CLYBL: variants seen among roughly 807,000 people sequenced by gnomAD.
CLYBL encodes the protein citramalyl-CoA lyase, also known as citramalyl-CoA lyase, mitochondrial.
A neutral mutation model predicts 38.9 loss-of-function variants in CLYBL; 31 were observed. The observed-to-expected ratio is 0.80, with a 90% CI of 0.60 to 1.08. The LOEUF (loss-of-function observed/expected upper bound fraction) is 1.08. Among genes scored for constraint, CLYBL ranks in the 50% least tolerant of loss-of-function variants. The pLI, the probability that CLYBL is intolerant of heterozygous loss-of-function variation, is 0.00. For missense variants in CLYBL, 434 were observed against 411.6 expected (o/e 1.05, Z -0.47); for synonymous variants, 171 against 158.6 (o/e 1.08, Z -0.59).
intron 2 of CLYBL, among the ~76,000 whole-genome samples, chr13:99,823,858 G>T (rs147222026): frequency 6.6e-6 from 1 of 152,262 alleles, no homozygotes; most frequent in African/African-American, 2.4e-5. Context: ...CATCTGAGCC[G>T]ACTGCCCAGT....
intron 1 of CLYBL, among the ~76,000 whole-genome samples, chr13:99,687,312 A>C (rs2139417820): frequency 6.6e-6 from 1 of 152,298 alleles, no homozygotes; most frequent in African/African-American, 2.4e-5. Context: ...CATACCTTTT[A>C]CAATCAGCTC....
At chr13:99,628,590 G>A (rs112697973) in intron 1 of CLYBL, among the ~76,000 whole-genome samples, 43 of 152,324 alleles carry the variant, frequency 2.8e-4, no homozygotes, top group African/African-American at 9.4e-4. Context: ...TGGGAATTCA[G>A]GACTAGCTGC....
chr13:99,716,169 ATTTTTTTTTTTTTTTT>A (rs4001024), intron 1 of CLYBL, among the ~76,000 whole-genome samples: 2,991 of 33,460 alleles, frequency 0.089, 104 homozygotes, highest in Middle Eastern at 0.12. Flanking sequence ...TATTGGTGTA[ATTTTTTTTTTTTTTTT>A]TTTTTTTTTT....
chr13:99,892,506 T>C lies in CLYBL; in HGVS notation c.*88T>C, dbSNP rs1469902892. 1.3e-5 allele frequency: 2 copies of C among 152,668 alleles called. No homozygotes were observed. Among genetic ancestry groups the C allele is most frequent in the Non-Finnish European group, 2.9e-5 (2 of 68,044 alleles). 9.5% of individuals were successfully genotyped at this position (152,668 alleles called of 1,614,324 possible). A position where few individuals can be genotyped will look rare whatever the true frequency, so the allele number is the denominator to read the frequency against. On this transcript the variant is annotated 3_prime_UTR_variant, in exon 9 of 9. Transcript: ENST00000339105. ...CTTGCCAGAGGACGCCAATGAAGTT[T>C]GAAACACCAACAATCAGAGATTTTG...
intron 2 of CLYBL, among the ~76,000 whole-genome samples, chr13:99,839,710 GTATA>G (rs911056617): frequency 3.3e-5 from 5 of 151,782 alleles, no homozygotes; most frequent in African/African-American, 1.2e-4. Context: ...TACATAGTAG[GTATA>G]TATATATTTA....
chr13:99,657,286 A>T (rs1369186648), intron 1 of CLYBL, among the ~76,000 whole-genome samples: 2 of 152,270 alleles, frequency 1.3e-5, no homozygotes, highest in Admixed American at 1.3e-4. Flanking sequence ...CCGCATTCAC[A>T]TCTGAAGGGA....
chr13:99,895,327 TTCCTC>T (rs2052561059), downstream of CLYBL: 1 of 152,238 alleles, frequency 6.6e-6, no homozygotes, highest in Non-Finnish European at 1.5e-5. Flanking sequence ...TTTTATTTCT[TTCCTC>T]TAGTACTAGA....
At chr13:99,747,416 C>T (rs1272028023) in intron 1 of CLYBL, among the ~76,000 whole-genome samples, 2 of 152,002 alleles carry the variant, frequency 1.3e-5, no homozygotes, top group East Asian at 3.9e-4. Context: ...TAGGCCAACT[C>T]TTTCCTCATC....
intron 2 of CLYBL, among the ~76,000 whole-genome samples, chr13:99,802,283 G>A (rs1480989534): frequency 1.3e-5 from 2 of 152,122 alleles, no homozygotes; most frequent in Non-Finnish European, 2.9e-5. Context: ...TCACATTGGG[G>A]ATTAGGGCTT....
At position 99,831,167 on chromosome 13, in the gene CLYBL, A is replaced by G. The variant is rs368333140; in HGVS notation, c.250-27694A>G. Among the ~76,000 whole-genome samples the G allele has an allele frequency of 6.6e-5, 10 of 152,346 alleles. No homozygotes were observed. The East Asian group carries it at 7.7e-4, about 12-fold the overall frequency. On this transcript the variant is annotated intron_variant, in intron 2 of 8. Transcript: ENST00000339105. Reference sequence around the variant, plus strand: ...AGGAGGCAAGGAGGATCCGCTAGAGAGGGACTGCGCCCTGCACACACCTCA... The same window carrying G: ...AGGAGGCAAGGAGGATCCGCTAGAGGGGGACTGCGCCCTGCACACACCTCA...
Position 99,772,869 on chromosome 13 carries a change from C to T in CLYBL, c.108C>T (p.Ser36=). 2 of 1,612,590 alleles carry T rather than the reference C, an allele frequency of 1.2e-6. No individual in the cohort carries two copies. Among genetic ancestry groups the T allele is most frequent in the Non-Finnish European group, 1.7e-6 (2 of 1,179,728 alleles). The change falls in exon 2 of 9, where the codon TCC becomes TCT. Residue 36 remains serine, a synonymous_variant. Coordinates refer to ENST00000339105, the MANE Select transcript of CLYBL (RefSeq NM_206808.5). ...AADIPRLGYS[S]SSHHKYIPRR... is the part of the protein sequence containing the mutation. ...ATATCCCCAGACTTGGATATAGTTC[C>T]TCATCCCATCACAAGTACATCCCCC...
intron 1 of CLYBL, among the ~76,000 whole-genome samples, chr13:99,731,451 T>C (rs1177917517): frequency 1.4e-5 from 2 of 146,588 alleles, no homozygotes; most frequent in Non-Finnish European, 3.0e-5. Context: ...CTAAGTAACA[T>C]AGCAAGACTC....
At chr13:99,673,099 A>G (rs954868026) in intron 1 of CLYBL, among the ~76,000 whole-genome samples, 17 of 152,166 alleles carry the variant, frequency 1.1e-4, no homozygotes, top group African/African-American at 3.9e-4. Flanking sequence ...GAAAGTGTCC[A>G]GTGTCATGGT....
intron 1 of CLYBL, among the ~76,000 whole-genome samples, chr13:99,613,025 GATAATAATAATAATA>G (rs57244403): frequency 2.2e-5 from 1 of 44,638 alleles, no homozygotes; most frequent in South Asian, 9.9e-4. Context: ...AAATAGTGAT[GATAATAATAATAATA>G]ATAATAATAA....
At chr13:99,653,070 C>G (rs1435360895) in intron 1 of CLYBL, among the ~76,000 whole-genome samples, 1 of 152,092 alleles carries the variant, frequency 6.6e-6, no homozygotes, top group Non-Finnish European at 1.5e-5. Flanking sequence ...TGAGGAAAAT[C>G]ACAGGAGGCA....
chr13:99,733,051 T>C (rs1440465702), intron 1 of CLYBL, among the ~76,000 whole-genome samples: 1 of 152,246 alleles, frequency 6.6e-6, no homozygotes, highest in Non-Finnish European at 1.5e-5. Context: ...CATGTATATA[T>C]TTAATTCGCA....
chr13:99,710,340 C>T (rs1416590994), intron 1 of CLYBL, among the ~76,000 whole-genome samples: 2 of 152,138 alleles, frequency 1.3e-5, no homozygotes, highest in African/African-American at 2.4e-5. Context: ...GCATTCTGGA[C>T]GAGGCAGTCA....
chr13:99,720,881 T>C (rs2048381923), intron 1 of CLYBL, among the ~76,000 whole-genome samples: 1 of 152,204 alleles, frequency 6.6e-6, no homozygotes, highest in Non-Finnish European at 1.5e-5. Flanking sequence ...CTTTCCATTC[T>C]GAAAACATCT....
Position 99,781,554 on chromosome 13 carries a change from T to C in CLYBL, c.249+8544T>C, listed in dbSNP as rs1311547091. Reference sequence around the variant, plus strand: ...GCAGTGGCATGATCTGGGCTCACTGTAACCTCTGCCCCCCGGGTTCAAGCA... The same window carrying C: ...GCAGTGGCATGATCTGGGCTCACTGCAACCTCTGCCCCCCGGGTTCAAGCA... On this transcript the variant is annotated intron_variant, in intron 2 of 8. Transcript: ENST00000339105. 3.3e-5 allele frequency among the ~76,000 whole-genome samples: 5 copies of C among 152,164 alleles called. No homozygotes were observed. The East Asian group carries it at 9.7e-4, about 29-fold the overall frequency.
Sources: allele counts gnomAD v4.1 joint callset (sites outside exome capture counted in the v4.1 genomes callset), GRCh38; gene constraint gnomAD v4.1.1; transcripts MANE v1.5; gene names NCBI Gene and HGNC (gene_info 2026-07-23, HGNC 2026-07-21).